The following VAC14 variants were observed in gnomAD, a reference collection of about 807,000 sequenced individuals.
The protein encoded by VAC14 is protein VAC14 homolog.
VAC14 carries 47 observed loss-of-function variants against 85.3 expected under a neutral mutation model. That is an observed-to-expected ratio of 0.55 (90% CI 0.44 to 0.70). The LOEUF (loss-of-function observed/expected upper bound fraction) is 0.70. VAC14 is among the 30% of genes least tolerant of loss of function. VAC14 has a pLI of 0.00. For synonymous variants in VAC14, 447 were observed against 430.5 expected (o/e 1.04, Z -0.47); for missense variants, 861 against 1,004.3 (o/e 0.86, Z 1.93).
chr16:70,751,894 G>A (rs957987995), intron 12 of VAC14, among the ~76,000 whole-genome samples: 10 of 152,232 alleles, frequency 6.6e-5, no homozygotes, highest in African/African-American at 2.2e-4. Context: ...CCTGAGAAAC[G>A]CCCTGGTCTG....
chr16:70,721,944 G>A (rs1174181146), intron 14 of VAC14, among the ~76,000 whole-genome samples: 1 of 152,172 alleles, frequency 6.6e-6, no homozygotes, highest in South Asian at 2.1e-4. Flanking sequence ...CAGGACCCCA[G>A]GCCCGGTGGA....
chr16:70,743,936 C>T (rs1597921548), intron 13 of VAC14, among the ~76,000 whole-genome samples: 1 of 152,098 alleles, frequency 6.6e-6, no homozygotes, highest in Admixed American at 6.5e-5. Context: ...CTACGGCCAC[C>T]TTTACTTCCA....
At chr16:70,783,644 G>C (rs2033918472) in intron 5 of VAC14, 90 bp from the exon 6 acceptor site, 4 of 1,304,250 alleles carry the variant, frequency 3.1e-6, no homozygotes, top group Non-Finnish European at 3.3e-6. Context: ...GTAGGAAGGG[G>C]ACCCTGCTGA....
chr16:70,766,320 C>T, intron 10 of VAC14: 1 of 367,518 alleles, frequency 2.7e-6, no homozygotes, highest in South Asian at 2.0e-5. Context: ...TGCTGCTGGC[C>T]AGCCTGTGGG....
At chr16:70,722,071 T>C (rs148397398) in intron 14 of VAC14, among the ~76,000 whole-genome samples, 5 of 152,192 alleles carry the variant, frequency 3.3e-5, no homozygotes, top group Admixed American at 3.3e-4. Context: ...GTGCCACAGG[T>C]GCCTTTAAAA....
intron 14 of VAC14, among the ~76,000 whole-genome samples, chr16:70,702,651 G>A (rs1180203613): frequency 6.6e-6 from 1 of 152,256 alleles, no homozygotes; most frequent in Non-Finnish European, 1.5e-5. Flanking sequence ...GCGTTGCAAA[G>A]CCTCAAGAAG....
intron 14 of VAC14, among the ~76,000 whole-genome samples, chr16:70,720,692 T>A (rs943897146): frequency 6.6e-6 from 1 of 152,092 alleles, no homozygotes; most frequent in Non-Finnish European, 1.5e-5. Context: ...ACGAGGTGGA[T>A]GGTGAAACGG....
At chr16:70,766,156 GAAA>G (rs60494478) in intron 10 of VAC14, among the ~76,000 whole-genome samples, 1 of 94,584 alleles carries the variant, frequency 1.1e-5, no homozygotes, top group African/African-American at 3.0e-5. Flanking sequence ...TGTCCCAAAA[GAAA>G]AAAAAAAAAA....
At chr16:70,748,397 C>T (rs576848418) in intron 12 of VAC14, among the ~76,000 whole-genome samples, 25 of 152,258 alleles carry the variant, frequency 1.6e-4, no homozygotes, top group Non-Finnish European at 2.9e-4. Flanking sequence ...TGCCAGGGAC[C>T]CAGTGATGAT....
In VAC14 at chr16:70,756,123, G is replaced by C. The variant is rs954759867; in HGVS notation, c.1371+6417C>G. Reference sequence around the variant, plus strand: ...ACATCTGTGGACCGGATGGCATGAGGCTGGAGAAGGAAAGGGGCACGCTGG... The same window carrying C: ...ACATCTGTGGACCGGATGGCATGAGCCTGGAGAAGGAAAGGGGCACGCTGG... On this transcript the variant is annotated intron_variant, in intron 12 of 18. Transcript: ENST00000261776. 3.9e-5 allele frequency: 18 copies of C among 456,474 alleles called. No homozygotes were observed. In the Admixed American group the frequency reaches 4.2e-4, roughly 11 times the overall value. The allele number at this position is 456,474 out of a possible 1,614,324, so 28.3% of individuals were successfully genotyped here. A position where few individuals can be genotyped will look rare whatever the true frequency, so the allele number is the denominator to read the frequency against.
chr16:70,714,346 G>C (rs1272094353), intron 14 of VAC14: 1 of 152,256 alleles, frequency 6.6e-6, no homozygotes. Context: ...GCACGCAGCT[G>C]AAGATCTGAG....
At chr16:70,734,532 TA>T (rs1421520120) in intron 13 of VAC14, among the ~76,000 whole-genome samples, 1 of 152,246 alleles carries the variant, frequency 6.6e-6, no homozygotes, top group African/African-American at 2.4e-5. Flanking sequence ...TTTGGTGTCA[TA>T]GCTATGAAAT....
In VAC14 at chr16:70,691,557, C is replaced by T. The variant is rs780903755; in HGVS notation, c.2186+1264G>A. On this transcript the variant is annotated intron_variant, in intron 18 of 18. Transcript: ENST00000261776. Reference sequence around the variant, plus strand: ...ATGGCTGACCCTGCTCCCCTGGGGACACTGCATCAGGTGCTGTCTTCTGGG... The same window carrying T: ...ATGGCTGACCCTGCTCCCCTGGGGATACTGCATCAGGTGCTGTCTTCTGGG... 484 of 985,370 alleles carry T rather than the reference C, an allele frequency of 4.9e-4. 1 individual carries two copies. Among genetic ancestry groups the T allele is most frequent in the Non-Finnish European group, 5.7e-4 (476 of 829,946 alleles). 61.0% of individuals were successfully genotyped at this position (985,370 alleles called of 1,614,324 possible).
chr16:70,709,800 G>A (rs1168469246), intron 14 of VAC14, among the ~76,000 whole-genome samples: 2 of 152,182 alleles, frequency 1.3e-5, no homozygotes, highest in South Asian at 2.1e-4. Context: ...GGTGCCCAGG[G>A]AGACATGGCC....
intron 18 of VAC14, chr16:70,691,711 C>T: frequency 1.0e-6 from 1 of 985,450 alleles, no homozygotes; most frequent in Non-Finnish European, 1.2e-6. Context: ...TGGGGCCACA[C>T]TTTCTAGGGG....
At chr16:70,727,996 C>T (rs535117904) in intron 14 of VAC14, among the ~76,000 whole-genome samples, 20 of 152,294 alleles carry the variant, frequency 1.3e-4, no homozygotes, top group African/African-American at 4.6e-4. Context: ...CTGGAGAAAC[C>T]GGGTGAAGGA....
chr16:70,754,502 T>G (rs2143026079), intron 12 of VAC14, among the ~76,000 whole-genome samples: 1 of 152,288 alleles, frequency 6.6e-6, no homozygotes, highest in East Asian at 1.9e-4. Flanking sequence ...CCCTTCTCCC[T>G]GGCACATGAC....
At chr16:70,723,041 C>T (rs1280678849) in intron 14 of VAC14, among the ~76,000 whole-genome samples, 3 of 152,064 alleles carry the variant, frequency 2.0e-5, no homozygotes, top group African/African-American at 7.2e-5. Flanking sequence ...CATGGTGAAA[C>T]CCCATCTCTA....
chr16:70,689,338 G>C (rs900284135), intron 18 of VAC14: 2 of 985,340 alleles, frequency 2.0e-6, no homozygotes, highest in Non-Finnish European at 2.4e-6. Flanking sequence ...GGCCAGCCGG[G>C]GCCCAGCAGC....
Sources: gnomAD v4.1 joint callset for allele counts (sites outside exome capture counted in the v4.1 genomes callset) on GRCh38, gnomAD v4.1.1 for gene constraint, MANE v1.5 for transcripts, NCBI Gene and HGNC (gene_info 2026-07-23, HGNC 2026-07-21) for gene names.